OR2F1: variants seen among roughly 807,000 people sequenced by gnomAD.
OR2F1 encodes the protein olfactory receptor family 2 subfamily F member 1, also known as olfactory receptor 2F1.
For synonymous variants in OR2F1, 146 were observed against 155.3 expected (o/e 0.94, Z 0.44); for missense variants, 389 against 378.2 (o/e 1.03, Z -0.24).
rs2050334501 is a variant in OR2F1 at position 143,962,171 on chromosome 7, T to G, written c.*1247T>G. On this transcript the variant is annotated 3_prime_UTR_variant, in exon 3 of 3. Transcript: ENST00000641412. ...TTCTTTAAGTCAGTTGATTTGCAGTTCTTACATTTGTCAACACATCATCAT... is the reference window on the plus strand; with the variant it reads ...TTCTTTAAGTCAGTTGATTTGCAGTGCTTACATTTGTCAACACATCATCAT... 6.6e-6 allele frequency: 1 copy of G among 152,246 alleles called. No individual in the cohort carries two copies. Among genetic ancestry groups the G allele is most frequent in the Non-Finnish European group, 1.5e-5 (1 of 68,042 alleles). 9.4% of individuals were successfully genotyped at this position (152,246 alleles called of 1,614,324 possible). A position where few individuals can be genotyped will look rare whatever the true frequency, so the allele number is the denominator to read the frequency against.
Position 143,963,977 on chromosome 7 carries a change from C to T in OR2F1, c.*3053C>T, listed in dbSNP as rs1001885535. 6.6e-6 allele frequency: 1 copy of T among 152,130 alleles called. No individual in the cohort carries two copies. Among genetic ancestry groups the T allele is most frequent in the African/African-American group, 2.4e-5 (1 of 41,436 alleles). The allele number at this position is 152,130 out of a possible 1,614,324, so 9.4% of individuals were successfully genotyped here. A position where few individuals can be genotyped will look rare whatever the true frequency, so the allele number is the denominator to read the frequency against. On this transcript the variant is annotated 3_prime_UTR_variant, in exon 3 of 3. Transcript: ENST00000641412. ...GAACAATACTTTGTAACCTTCAATC[C>T]AATCAAGTTGATGGTCAATATTAAC...
chr7:143,960,230 C>G lies in OR2F1; in HGVS notation c.260C>G (p.Ala87Gly). The G allele has an allele frequency of 6.2e-7, 1 of 1,614,202 alleles. No homozygotes were observed. Among genetic ancestry groups the G allele is most frequent in the Non-Finnish European group, 8.5e-7 (1 of 1,180,042 alleles). Residue 87 changes from alanine (A) to glycine (G), a missense_variant, in exon 3 of 3, where the codon GCA becomes GGA. By Grantham distance (60) the Ala-to-Gly change is moderately conservative. Coordinates refer to ENST00000641412, the MANE Select transcript of OR2F1 (RefSeq NM_012369.3). ...CCTCAGCTGCTGGCACATTTTCTTG[C>G]AGAACATAAAGCCATCCCATTCCAG... ...VVPQLLAHFL[A>G]EHKAIPFQSC...
In OR2F1 at chr7:143,960,765, TC is replaced by T. The variant is rs755972509; in HGVS notation, c.798del (p.Ser267LeufsTer15). ...IFTYIQPHSS[P>X]SVLQEKLFSV... ...TCACTTACATCCAGCCCCACTCCAG[TC>T]CCTCTGTCCTTCAGGAGAAGTTGTT... On this transcript the variant is annotated frameshift_variant, in exon 3 of 3. Transcript: ENST00000641412. LOFTEE classifies it low-confidence loss of function (END_TRUNC). 6.2e-7 allele frequency: 1 copy of T among 1,614,196 alleles called. No individual in the cohort carries two copies. The highest frequency in any genetic ancestry group is 8.5e-7 in the Non-Finnish European group (1 of 1,180,032).
At chr7:143,956,339 A>C (rs2050285401) in intron 1 of OR2F1, among the ~76,000 whole-genome samples, 1 of 152,108 alleles carries the variant, frequency 6.6e-6, no homozygotes, top group African/African-American at 2.4e-5. Flanking sequence ...TCCTCCTTCA[A>C]CTGGCTTTCC....
rs756675405 is a variant in OR2F1 at position 143,960,941 on chromosome 7, A to G, written c.*17A>G. ...GCAACTTGACTCATGAGTATGACTT[A>G]GAGAAAACAGCTTTGCCTCAGTGTT... is the stretch of plus-strand genomic sequence containing the variant. On this transcript the variant is annotated 3_prime_UTR_variant, in exon 3 of 3. Coordinates refer to ENST00000641412, the MANE Select transcript of OR2F1 (RefSeq NM_012369.3). 6.4e-7 allele frequency: 1 copy of G among 1,570,214 alleles called. No homozygotes were observed. Among genetic ancestry groups the G allele is most frequent in the Admixed American group, 1.8e-5 (1 of 56,438 alleles).
In OR2F1 at chr7:143,961,092, C is replaced by T. The variant is rs752164696; in HGVS notation, c.*168C>T. On this transcript the variant is annotated 3_prime_UTR_variant, in exon 3 of 3. Coordinates refer to ENST00000641412, the MANE Select transcript of OR2F1 (RefSeq NM_012369.3). ...TGGTTCAATTGGATGGGGTGTGGGA[C>T]GTGGGGTTATATTTATGAACAGTGG... 1.4e-4 allele frequency: 84 copies of T among 604,572 alleles called. No homozygotes were observed. Among genetic ancestry groups the T allele is most frequent in the Admixed American group, 2.8e-4 (9 of 32,574 alleles). 37.5% of individuals were successfully genotyped at this position (604,572 alleles called of 1,614,324 possible). A position where few individuals can be genotyped will look rare whatever the true frequency, so the allele number is the denominator to read the frequency against.
At chr7:143,958,709 T>G (rs2050302502) in intron 1 of OR2F1, among the ~76,000 whole-genome samples, 1 of 152,120 alleles carries the variant, frequency 6.6e-6, no homozygotes. Flanking sequence ...GTTCTATTTT[T>G]TTTTTACAAT....
At chr7:143,955,714 G>T (rs2050280412) in intron 1 of OR2F1, among the ~76,000 whole-genome samples, 2 of 152,090 alleles carry the variant, frequency 1.3e-5, no homozygotes, top group Admixed American at 6.5e-5. Context: ...TCAGTACTGT[G>T]TTCTGAGCAG....
chr7:143,960,513 C>T lies in OR2F1; in HGVS notation c.543C>T (p.Leu181=). 4 of 1,614,196 alleles carry T rather than the reference C, an allele frequency of 2.5e-6. No individual in the cohort carries two copies. The South Asian group carries it at 3.3e-5, about 13-fold the overall frequency. The stretch of plus-strand genomic sequence containing the variant: ...TTATTGATCACATATCCTGTGAACT[C>T]CTAGCTGTGGTCAGGCTGGCTTGTG... ...NKFIDHISCE[L]LAVVRLACVD... The change falls in exon 3 of 3, where the codon CTC becomes CTT. Residue 181 remains leucine (L), a synonymous_variant. Coordinates refer to ENST00000641412, the MANE Select transcript of OR2F1 (RefSeq NM_012369.3).
Position 143,960,360 on chromosome 7 carries a change from G to T in OR2F1, c.390G>T (p.Leu130=), listed in dbSNP as rs147325008. The T allele has an allele frequency of 2.7e-3, 4,399 of 1,614,136 alleles. 13 individuals carry two copies. Among genetic ancestry groups the T allele is most frequent in the Non-Finnish European group, 3.2e-3 (3,768 of 1,180,034 alleles). ...GCTATGTGGCTGTGTGTGATGCCCT[G>T]CGATACTCGGCCATCATGCATGGAG... is the stretch of plus-strand genomic sequence containing the variant. ...YDRYVAVCDA[L]RYSAIMHGGL... is the part of the protein sequence containing the mutation. Residue 130 remains leucine, a synonymous_variant, in exon 3 of 3, where the codon CTG becomes CTT. Coordinates refer to ENST00000641412, the MANE Select transcript of OR2F1 (RefSeq NM_012369.3).
In OR2F1 at chr7:143,960,257, G is replaced by A. The variant is rs2050315672; in HGVS notation, c.287G>A (p.Ser96Asn). 1 of 1,614,172 alleles carries A rather than the reference G, an allele frequency of 6.2e-7. No homozygotes were observed. The highest frequency in any genetic ancestry group is 8.5e-7 in the Non-Finnish European group (1 of 1,180,038). ...GAACATAAAGCCATCCCATTCCAGAGCTGTGCAGCCCAGTTATTTTTCTCC... is the reference window on the plus strand; with the variant it reads ...GAACATAAAGCCATCCCATTCCAGAACTGTGCAGCCCAGTTATTTTTCTCC... ...LAEHKAIPFQ[S>N]CAAQLFFSLA... is the part of the protein sequence containing the mutation. The change falls in exon 3 of 3, where the codon AGC (serine) becomes AAC (asparagine). Residue 96 changes from serine to asparagine, a missense_variant. Coordinates refer to ENST00000641412, the MANE Select transcript of OR2F1 (RefSeq NM_012369.3).
chr7:143,958,409 T>C (rs927340834), intron 1 of OR2F1, among the ~76,000 whole-genome samples: 2 of 152,122 alleles, frequency 1.3e-5, no homozygotes, highest in African/African-American at 4.8e-5. Context: ...GGAGGAAATG[T>C]TGGAGAAGGA....
chr7:143,959,470 G>A (rs140744115), intron 2 of OR2F1, among the ~76,000 whole-genome samples: 16 of 152,224 alleles, frequency 1.1e-4, no homozygotes, highest in African/African-American at 2.9e-4. Flanking sequence ...AGGTTTAAAC[G>A]TAGGTTTCCA....
chr7:143,960,648 A>C lies in OR2F1; in HGVS notation c.678A>C (p.Leu226=). The C allele has an allele frequency of 6.2e-7, 1 of 1,613,848 alleles. No homozygotes were observed. Among genetic ancestry groups the C allele is most frequent in the Non-Finnish European group, 8.5e-7 (1 of 1,179,996 alleles). ...ACATCCAGATCATCTCCACCATCCT[A>C]AAGATCCAGTCCAGAGAAGGAAGAA... ...LSYIQIISTI[L]KIQSREGRKK... Residue 226 remains leucine (L), a synonymous_variant, in exon 3 of 3, where the codon CTA becomes CTC. Transcript: ENST00000641412.
Position 143,961,736 on chromosome 7 carries a change from C to T in OR2F1, c.*812C>T, listed in dbSNP as rs1286243409. The stretch of plus-strand genomic sequence containing the variant: ...CTCTTTCTCAGAATCTTCAGAAACA[C>T]ACAAAAAAGCACACAAATTATGAGA... On this transcript the variant is annotated 3_prime_UTR_variant, in exon 3 of 3. Coordinates refer to ENST00000641412, the MANE Select transcript of OR2F1 (RefSeq NM_012369.3). 6.6e-6 allele frequency: 1 copy of T among 152,000 alleles called. No individual in the cohort carries two copies. Among genetic ancestry groups the T allele is most frequent in the African/African-American group, 2.4e-5 (1 of 41,402 alleles). The allele number at this position is 152,000 out of a possible 1,614,324, so 9.4% of individuals were successfully genotyped here.
rs1562998528 is a variant in OR2F1 at position 143,963,941 on chromosome 7, G to C, written c.*3017G>C. ...AATCTCCTTTGGCATCACCTCCATA[G>C]ACACACCCAGGAACAATACTTTGTA... On this transcript the variant is annotated 3_prime_UTR_variant, in exon 3 of 3. Coordinates refer to ENST00000641412, the MANE Select transcript of OR2F1 (RefSeq NM_012369.3). The C allele has an allele frequency of 6.6e-6, 1 of 152,156 alleles. No individual in the cohort carries two copies. Among genetic ancestry groups the C allele is most frequent in the Non-Finnish European group, 1.5e-5 (1 of 68,050 alleles). 9.4% of individuals were successfully genotyped at this position (152,156 alleles called of 1,614,324 possible).
rs1430227418 is a variant in OR2F1, at chr7:143,959,097, C to G, written c.-35C>G. 6.6e-6 allele frequency: 1 copy of G among 152,090 alleles called. No homozygotes were observed. Among genetic ancestry groups the G allele is most frequent in the Admixed American group, 6.5e-5 (1 of 15,276 alleles). 9.4% of individuals were successfully genotyped at this position (152,090 alleles called of 1,614,324 possible). On this transcript the variant is annotated 5_prime_UTR_variant, in exon 2 of 3. Transcript: ENST00000641412. ...GATCCTCAAAGCATCCAAACCATCCCTATACTCTCAGGTATGTTACAGATT... is the reference window on the plus strand; with the variant it reads ...GATCCTCAAAGCATCCAAACCATCCGTATACTCTCAGGTATGTTACAGATT...
At chr7:143,959,577 A>G (rs1232323118) in intron 2 of OR2F1, among the ~76,000 whole-genome samples, 1 of 152,180 alleles carries the variant, frequency 6.6e-6, no homozygotes, top group Non-Finnish European at 1.5e-5. Flanking sequence ...GACATGTTTA[A>G]GGTAATTTGT....
intron 1 of OR2F1, among the ~76,000 whole-genome samples, chr7:143,956,868 A>G (rs1281460679): frequency 6.6e-6 from 1 of 152,128 alleles, no homozygotes; most frequent in Non-Finnish European, 1.5e-5. Context: ...TGGGGGAGAT[A>G]TATAATAAAG....
Sources: allele counts gnomAD v4.1 joint callset (sites outside exome capture counted in the v4.1 genomes callset), GRCh38; gene constraint gnomAD v4.1.1; transcripts MANE v1.5; gene names NCBI Gene and HGNC (gene_info 2026-07-23, HGNC 2026-07-21).